ARHGAP15: variants seen among roughly 807,000 people sequenced by gnomAD.
The protein encoded by ARHGAP15 is Rho GTPase activating protein 15, also known as rho GTPase-activating protein 15.
A neutral mutation model predicts 63.7 loss-of-function variants in ARHGAP15; 51 were observed. That is an observed-to-expected ratio of 0.80 (90% confidence interval 0.64 to 1.01). The LOEUF is 1.01. ARHGAP15 is among the 50% of genes least tolerant of loss of function. The pLI, the probability that ARHGAP15 is intolerant of heterozygous loss-of-function variation, is 0.00. For missense variants in ARHGAP15, 560 were observed against 564.6 expected, an observed-to-expected ratio of 0.99 and a Z score of 0.08; for synonymous variants, 191 against 193.8, an observed-to-expected ratio of 0.99 and a Z score of 0.12.
chr2:143,730,945 T>TTTTTTTTAA (rs34135034), intron 13 of ARHGAP15, among the ~76,000 whole-genome samples: 1 of 115,456 alleles, frequency 8.7e-6, no homozygotes, highest in Non-Finnish European at 1.6e-5. Flanking sequence ...TTTTTTTTTT[T>TTTTTTTTAA]TGATTCAGTG....
At chr2:143,424,100 T>C (rs1187046943) in intron 6 of ARHGAP15, among the ~76,000 whole-genome samples, 1 of 152,218 alleles carries the variant, frequency 6.6e-6, no homozygotes, top group Non-Finnish European at 1.5e-5. Flanking sequence ...CAATACAGCA[T>C]AATTTTCAAA....
At chr2:143,523,852 A>G (rs968866379) in intron 10 of ARHGAP15, among the ~76,000 whole-genome samples, 3 of 152,166 alleles carry the variant, frequency 2.0e-5, no homozygotes, top group African/African-American at 7.2e-5. Context: ...ACTTAGAATT[A>G]CTGAACTATA....
chr2:143,665,907 G>T (rs1200953695), intron 12 of ARHGAP15, among the ~76,000 whole-genome samples: 5 of 139,172 alleles, frequency 3.6e-5, no homozygotes, highest in African/African-American at 7.9e-5. Context: ...CACTGCTCAA[G>T]GAAATAAAAG....
intron 6 of ARHGAP15, among the ~76,000 whole-genome samples, chr2:143,376,009 G>A (rs956194288): frequency 1.3e-5 from 2 of 152,146 alleles, no homozygotes; most frequent in African/African-American, 2.4e-5. Flanking sequence ...AAATACACAC[G>A]CATGTGGCAT....
At chr2:143,423,145 T>A (rs568085635) in intron 6 of ARHGAP15, among the ~76,000 whole-genome samples, 1 of 152,254 alleles carries the variant, frequency 6.6e-6, no homozygotes, top group East Asian at 1.9e-4. Context: ...CTTACCAAGA[T>A]GGTGTATCAT....
chr2:143,363,961 G>C (rs1025630930), intron 6 of ARHGAP15, among the ~76,000 whole-genome samples: 2 of 152,182 alleles, frequency 1.3e-5, no homozygotes, highest in Non-Finnish European at 2.9e-5. Flanking sequence ...CTAATAGATG[G>C]AGAGTGGAAG....
intron 6 of ARHGAP15, among the ~76,000 whole-genome samples, chr2:143,407,239 A>G (rs920404577): frequency 7.2e-5 from 11 of 151,818 alleles, no homozygotes; most frequent in African/African-American, 2.7e-4. Flanking sequence ...TAGTGTATTG[A>G]TAGATATCTC....
intron 8 of ARHGAP15, among the ~76,000 whole-genome samples, chr2:143,473,269 C>T (rs977767292): frequency 6.6e-6 from 1 of 152,230 alleles, no homozygotes; most frequent in Admixed American, 6.5e-5. Flanking sequence ...CTGTCCCCCT[C>T]TGCTTTCCTT....
In ARHGAP15 at chr2:143,223,300, A is replaced by G. The variant is rs74616875; in HGVS notation, c.297-5281A>G. On this transcript the variant is annotated intron_variant, in intron 4 of 13. Transcript: ENST00000295095. ...AACACTTGGCATTTCTTGCCCTAGGATTTGTCTCCTGCATGGAATCACTAG... is the reference window on the plus strand; with the variant it reads ...AACACTTGGCATTTCTTGCCCTAGGGTTTGTCTCCTGCATGGAATCACTAG... Among the ~76,000 whole-genome samples, 1,263 of 152,116 alleles carry G rather than the reference A, an allele frequency of 8.3e-3. 9 individuals carry two copies. Among genetic ancestry groups the G allele is most frequent in the Non-Finnish European group, 0.01 (684 of 67,952 alleles).
chr2:143,326,495 T>C (rs1174920747), intron 6 of ARHGAP15, among the ~76,000 whole-genome samples: 1 of 152,226 alleles, frequency 6.6e-6, no homozygotes, highest in African/African-American at 2.4e-5. Flanking sequence ...GCTAAAGTCC[T>C]TGTTCATTCA....
intron 6 of ARHGAP15, among the ~76,000 whole-genome samples, chr2:143,434,190 G>C (rs1237194491): frequency 1.3e-5 from 2 of 152,006 alleles, no homozygotes; most frequent in East Asian, 3.8e-4. Flanking sequence ...TCTAGTGTGG[G>C]CAATTAAATC....
At chr2:143,232,163 T>C (rs2104920162) in intron 5 of ARHGAP15, among the ~76,000 whole-genome samples, 3 of 152,350 alleles carry the variant, frequency 2.0e-5, no homozygotes, top group Middle Eastern at 6.8e-3. Flanking sequence ...GAAGGAAGAA[T>C]GACCTATTCT....
At chr2:143,691,207 A>AAAGT (rs1349829021) in intron 12 of ARHGAP15, among the ~76,000 whole-genome samples, 1 of 152,198 alleles carries the variant, frequency 6.6e-6, no homozygotes, top group Non-Finnish European at 1.5e-5. Context: ...AATTGGAGTC[A>AAAGT]AAGTGGCTGG....
rs775073967 is a variant in ARHGAP15, at chr2:143,235,796, T to C, written c.384+7128T>C. The C allele has an allele frequency of 4.7e-6, 4 of 843,580 alleles. No homozygotes were observed. The East Asian group carries it at 1.3e-4, about 28-fold the overall frequency. The allele number at this position is 843,580 out of a possible 1,614,324, so 52.3% of individuals were successfully genotyped here. On this transcript the variant is annotated intron_variant, in intron 5 of 13. Coordinates refer to ENST00000295095, the MANE Select transcript of ARHGAP15 (RefSeq NM_018460.4). Reference sequence around the variant, plus strand: ...AAGTACTAGAGAATCAGGAGTTGTCTGTTTGATTTATCTTCTCAGGCCTTG... The same window carrying C: ...AAGTACTAGAGAATCAGGAGTTGTCCGTTTGATTTATCTTCTCAGGCCTTG...
chr2:143,671,719 C>T (rs188928329), intron 12 of ARHGAP15, among the ~76,000 whole-genome samples: 25 of 152,208 alleles, frequency 1.6e-4, no homozygotes, highest in African/African-American at 6.0e-4. Flanking sequence ...TTCATGAAAT[C>T]CAGTTACCCA....
chr2:143,384,015 T>G (rs540269587), intron 6 of ARHGAP15, among the ~76,000 whole-genome samples: 10 of 152,124 alleles, frequency 6.6e-5, no homozygotes, highest in Non-Finnish European at 1.5e-4. Context: ...CTTGCCATCC[T>G]CCTCAGACAA....
intron 10 of ARHGAP15, among the ~76,000 whole-genome samples, chr2:143,526,909 G>A (rs1694305161): frequency 6.6e-6 from 1 of 152,014 alleles, no homozygotes; most frequent in Non-Finnish European, 1.5e-5. Context: ...TCACAACAGT[G>A]TCACTCTGTT....
At position 143,287,881 on chromosome 2, in the gene ARHGAP15, A is replaced by T. The variant is rs532144476; in HGVS notation, c.474+37281A>T. Among the ~76,000 whole-genome samples, 15 of 152,286 alleles carry T rather than the reference A, an allele frequency of 9.8e-5. 1 individual carries two copies. In the South Asian group the frequency reaches 1.9e-3, roughly 19 times the overall value. On this transcript the variant is annotated intron_variant, in intron 6 of 13. Transcript: ENST00000295095. ...CTCCAGGGGAGGTGAATGCCCAGAC[A>T]TATCTCACCCCTGCAGGCTATGCCT...
At chr2:143,679,745 C>T (rs770640820) in intron 12 of ARHGAP15, among the ~76,000 whole-genome samples, 1 of 151,626 alleles carries the variant, frequency 6.6e-6, no homozygotes, top group Non-Finnish European at 1.5e-5. Context: ...CTTTCGTCCT[C>T]GAAGCTGTTT....
Sources: allele counts gnomAD v4.1 joint callset (sites outside exome capture counted in the v4.1 genomes callset), GRCh38; gene constraint gnomAD v4.1.1; transcripts MANE v1.5; gene names NCBI Gene and HGNC (gene_info 2026-07-23, HGNC 2026-07-21).